Variants in CTNND1 observed in about 807,000 individuals in gnomAD.
The protein encoded by CTNND1 is catenin delta-1.
A neutral mutation model predicts 112.1 loss-of-function variants in CTNND1; 16 were observed. That is an observed-to-expected ratio of 0.14 (90% CI 0.10 to 0.22). CTNND1 has a LOEUF of 0.22. Ranked by LOEUF, CTNND1 falls within the 10% of genes least tolerant of loss-of-function variation. The probability of loss-of-function intolerance (pLI) is 1.00; values close to 1 mark genes in which losing one functional copy is unlikely to be tolerated. For synonymous variants in CTNND1, 420 were observed against 446.5 expected (o/e 0.94, Z 0.75); for missense variants, 1,008 against 1,257.0 (o/e 0.80, Z 3.00).
chr11:57,798,797 A>G (rs911036375), intron 6 of CTNND1, among the ~76,000 whole-genome samples: 5 of 152,232 alleles, frequency 3.3e-5, no homozygotes, highest in African/African-American at 1.2e-4. Context: ...GCCATGTATC[A>G]TCTTTGTCGT....
chr11:57,786,115 G>A (rs1285806676), intron 1 of CTNND1, among the ~76,000 whole-genome samples: 2 of 151,692 alleles, frequency 1.3e-5, no homozygotes, highest in Non-Finnish European at 2.9e-5. Context: ...GGTATTCTCA[G>A]AAAATCTAGT....
At position 57,816,443 on chromosome 11, in the gene CTNND1, G is replaced by A; in HGVS notation, c.*135G>A. The A allele has an allele frequency of 9.3e-7, 1 of 1,080,662 alleles. No homozygotes were observed. Among genetic ancestry groups the A allele is most frequent in the South Asian group, 1.3e-5 (1 of 75,256 alleles). 66.9% of individuals were successfully genotyped at this position (1,080,662 alleles called of 1,614,324 possible). A position where few individuals can be genotyped will look rare whatever the true frequency, so the allele number is the denominator to read the frequency against. ...CTGCCTCCTGCCCTTACAGCCCTAA[G>A]TGGCTGCCTTCTTTCCATCAACTCC... On this transcript the variant is annotated 3_prime_UTR_variant, in exon 21 of 21. Transcript: ENST00000399050.
Position 57,791,417 on chromosome 11 carries a change from C to A in CTNND1, c.-62C>A. On this transcript the variant is annotated 5_prime_UTR_variant, in exon 3 of 21. Transcript: ENST00000399050. ...TGAGGGGGTCTCTCTCCCTCCTTCT[C>A]CTTCCTCTGTGATTCACCTTCCTTT... The A allele has an allele frequency of 7.2e-7, 1 of 1,391,202 alleles. No individual in the cohort carries two copies. The highest frequency in any genetic ancestry group is 1.6e-5 in the South Asian group (1 of 60,810). The allele number at this position is 1,391,202 out of a possible 1,614,324, so 86.2% of individuals were successfully genotyped here. A position where few individuals can be genotyped will look rare whatever the true frequency, so the allele number is the denominator to read the frequency against.
chr11:57,803,928 A>C (rs1312482373), intron 8 of CTNND1, 124 bp downstream of exon 8: 2 of 667,840 alleles, frequency 3.0e-6, no homozygotes, highest in East Asian at 2.9e-5. Context: ...TCTGTATTGC[A>C]TACTGTAACT....
At chr11:57,790,409 A>T (rs1406042845) in intron 2 of CTNND1, among the ~76,000 whole-genome samples, 1 of 141,830 alleles carries the variant, frequency 7.1e-6, no homozygotes, top group African/African-American at 2.6e-5. Flanking sequence ...TTTGAGACGG[A>T]GTCTTGCATT....
In CTNND1 at chr11:57,794,051, A is replaced by G; in HGVS notation, c.237A>G (p.Lys79=). The part of the protein sequence containing the change: ...FVGDADLERQ[K]FSDLKLNGPQ... ...GCGATGCTGACCTTGAAAGACAGAA[A>G]TTTTCAGATTTGAAACTCAACGGAC... The change falls in exon 4 of 21, where the codon AAA becomes AAG. Residue 79 remains lysine (K), a synonymous_variant. Coordinates refer to ENST00000399050, the MANE Select transcript of CTNND1 (RefSeq NM_001085458.2). 1 of 1,613,918 alleles carries G rather than the reference A, an allele frequency of 6.2e-7. No homozygotes were observed. Among genetic ancestry groups the G allele is most frequent in the Non-Finnish European group, 8.5e-7 (1 of 1,179,892 alleles).
chr11:57,814,050 C>G, intron 17 of CTNND1: 1 of 378,654 alleles, frequency 2.6e-6, no homozygotes, highest in East Asian at 5.0e-5. Flanking sequence ...TGTGATGGCT[C>G]ACACCTGTAA....
intron 1 of CTNND1, among the ~76,000 whole-genome samples, chr11:57,779,802 A>G (rs1173213440): frequency 2.6e-5 from 4 of 152,260 alleles, no homozygotes; most frequent in Non-Finnish European, 1.5e-5. Flanking sequence ...GTGGTAAGGT[A>G]GGTAATTTTT....
chr11:57,775,416 G>T (rs1953966750), intron 1 of CTNND1, among the ~76,000 whole-genome samples: 1 of 151,920 alleles, frequency 6.6e-6, no homozygotes, highest in Non-Finnish European at 1.5e-5. Context: ...GACATGACGA[G>T]AAGGTCGTTA....
At chr11:57,766,724 T>A (rs1381684938) in intron 1 of CTNND1, among the ~76,000 whole-genome samples, 1 of 152,202 alleles carries the variant, frequency 6.6e-6, no homozygotes, top group African/African-American at 2.4e-5. Flanking sequence ...ATGGATTGAT[T>A]TGTATTTAAT....
At position 57,791,797 on chromosome 11, in the gene CTNND1, A is replaced by G. The variant is rs557119510; in HGVS notation, c.195+124A>G. The stretch of plus-strand genomic sequence containing the variant: ...CTGTCCAGTGCCCGTTCTTCCAGGG[A>G]TTTTTTTCCAGGGGTGTTAAATGCT... On this transcript the variant is annotated intron_variant, in intron 3 of 20. Coordinates refer to ENST00000399050, the MANE Select transcript of CTNND1 (RefSeq NM_001085458.2). 195 of 1,095,668 alleles carry G rather than the reference A, an allele frequency of 1.8e-4. 1 individual carries two copies. In the East Asian group the frequency reaches 4.5e-3, roughly 25 times the overall value. The allele number at this position is 1,095,668 out of a possible 1,614,324, so 67.9% of individuals were successfully genotyped here. A position where few individuals can be genotyped will look rare whatever the true frequency, so the allele number is the denominator to read the frequency against.
At chr11:57,776,973 C>T (rs747578737) in intron 1 of CTNND1, among the ~76,000 whole-genome samples, 9 of 152,198 alleles carry the variant, frequency 5.9e-5, no homozygotes, top group African/African-American at 2.2e-4. Flanking sequence ...ATCTACTTCA[C>T]ACCGTGGTAC....
chr11:57,810,967 GAA>G (rs539734472), intron 16 of CTNND1, among the ~76,000 whole-genome samples: 33 of 141,412 alleles, frequency 2.3e-4, no homozygotes, highest in African/African-American at 8.5e-4. Context: ...AAAAAAAAAA[GAA>G]AAAAAAAAAG....
chr11:57,802,010 G>T lies in CTNND1; in HGVS notation c.1234G>T (p.Val412Leu). ...TDVRKLKGIPVLVGLLDHPKK... is the reference protein window; with the variant it reads ...TDVRKLKGIPLLVGLLDHPKK... ...CGTGCGGAAGCTCAAGGGCATCCCA[G>T]TACTGGTGGGATTGTTAGACCATCC... The change falls in exon 7 of 21, where the codon GTA becomes TTA. Residue 412 changes from valine (V) to leucine (L), a missense_variant. This residue lies in a region of CTNND1 where 216 missense variants were observed against 342.8 expected (regional missense o/e 0.63). Coordinates refer to ENST00000399050, the MANE Select transcript of CTNND1 (RefSeq NM_001085458.2). The T allele has an allele frequency of 6.2e-7, 1 of 1,614,026 alleles. No homozygotes were observed. The highest frequency in any genetic ancestry group is 1.1e-5 in the South Asian group (1 of 91,084).
chr11:57,816,066 G>A lies in CTNND1; in HGVS notation c.2895+65G>A, dbSNP rs766002472. 29 of 1,366,716 alleles carry A rather than the reference G, an allele frequency of 2.1e-5. 1 individual carries two copies. The Middle Eastern group carries it at 7.4e-4, about 35-fold the overall frequency. The allele number at this position is 1,366,716 out of a possible 1,614,324, so 84.7% of individuals were successfully genotyped here. A position where few individuals can be genotyped will look rare whatever the true frequency, so the allele number is the denominator to read the frequency against. On this transcript the variant is annotated intron_variant, in intron 20 of 20. Coordinates refer to ENST00000399050, the MANE Select transcript of CTNND1 (RefSeq NM_001085458.2). ...GGAGGCTCCTGAGTGCCAGCAACTT[G>A]TCAATCACGCTAATCTGATCAGGCC...
chr11:57,768,645 G>T (rs1324174202), intron 1 of CTNND1, among the ~76,000 whole-genome samples: 1 of 151,774 alleles, frequency 6.6e-6, no homozygotes, highest in Non-Finnish European at 1.5e-5. Context: ...CGCCCACCTC[G>T]ACCTCCCAAA....
intron 6 of CTNND1, among the ~76,000 whole-genome samples, chr11:57,797,323 T>C (rs1057171685): frequency 2.7e-5 from 4 of 148,904 alleles, no homozygotes; most frequent in African/African-American, 9.7e-5. Flanking sequence ...CTCCGCCTCC[T>C]GGGTTCAAGT....
At chr11:57,792,103 C>T (rs1330422077) in intron 3 of CTNND1, among the ~76,000 whole-genome samples, 1 of 152,166 alleles carries the variant, frequency 6.6e-6, no homozygotes, top group Non-Finnish European at 1.5e-5. Flanking sequence ...AGTCTGTACC[C>T]AGGTGTGGCA....
intron 9 of CTNND1, among the ~76,000 whole-genome samples, chr11:57,805,258 G>GT (rs1462972049): frequency 6.6e-6 from 1 of 151,744 alleles, no homozygotes; most frequent in Non-Finnish European, 1.5e-5. Flanking sequence ...TTGTTTGTTT[G>GT]TTTTTTTGAG....
Sources: gnomAD v4.1 joint callset for allele counts (sites outside exome capture counted in the v4.1 genomes callset) on GRCh38, gnomAD v4.1.1 for gene constraint, gnomAD v4.1.1 regional missense constraint, MANE v1.5 for transcripts, NCBI Gene and HGNC (gene_info 2026-07-23, HGNC 2026-07-21) for gene names.